ATP6V0A1: variants seen among roughly 807,000 people sequenced by gnomAD.
The protein encoded by ATP6V0A1 is ATPase H+ transporting V0 subunit a1.
ATP6V0A1 carries 43 observed loss-of-function variants against 105.4 expected under a neutral mutation model. The observed-to-expected ratio is 0.41, with a 90% CI of 0.32 to 0.53. The LOEUF (loss-of-function observed/expected upper bound fraction) is 0.53, where lower values mean the gene tolerates loss of function less well. Among genes scored for constraint, ATP6V0A1 ranks in the 20% least tolerant of loss-of-function variants. The probability of loss-of-function intolerance (pLI) is 0.30; values close to 1 mark genes in which losing one functional copy is unlikely to be tolerated. For missense variants in ATP6V0A1, 676 were observed against 1,051.1 expected, an observed-to-expected ratio of 0.64 and a Z score of 4.93; for synonymous variants, 362 against 372.8, an observed-to-expected ratio of 0.97 and a Z score of 0.33.
Position 42,520,838 on chromosome 17 carries a change from C to T in ATP6V0A1, c.2421-189C>T, listed in dbSNP as rs1048653997. 2.1e-4 allele frequency: 124 copies of T among 598,394 alleles called. 1 individual carries two copies. The East Asian group carries it at 3.3e-3, about 16-fold the overall frequency. 37.1% of individuals were successfully genotyped at this position (598,394 alleles called of 1,614,324 possible). On this transcript the variant is annotated intron_variant, in intron 21 of 21. Transcript: ENST00000343619. ...GGAACTGAGGGCAAATCCCTTCCTC[C>T]GTGCGTCGAACTCTTGATCCCAGGC...
At chr17:42,485,104 C>T (rs1346137826) in intron 9 of ATP6V0A1, among the ~76,000 whole-genome samples, 1 of 152,132 alleles carries the variant, frequency 6.6e-6, no homozygotes, top group Non-Finnish European at 1.5e-5. Context: ...CCTGCCTCGG[C>T]CTCCCAAAGT....
At chr17:42,485,521 G>A (rs2090015031) in intron 9 of ATP6V0A1, among the ~76,000 whole-genome samples, 1 of 148,846 alleles carries the variant, frequency 6.7e-6, no homozygotes, top group African/African-American at 2.6e-5. Context: ...TAGAAGAAGG[G>A]TTTTTTGTGT....
intron 9 of ATP6V0A1, 23 bp from the exon 10 acceptor site, chr17:42,487,132 G>C: frequency 6.2e-7 from 1 of 1,612,536 alleles, no homozygotes; most frequent in African/African-American, 1.3e-5. Context: ...AGGATCCCTC[G>C]CTTGTTCCTT....
rs186156966 is a variant in ATP6V0A1 at position 42,491,728 on chromosome 17, C to A, written c.1174+1091C>A. Among the ~76,000 whole-genome samples, 243 of 152,316 alleles carry A rather than the reference C, an allele frequency of 1.6e-3. 2 individuals are homozygous for A. Among genetic ancestry groups the A allele is most frequent in the East Asian group, 0.014 (71 of 5,164 alleles). ...TAACTCCTGACTTCAGGTGATCTGC[C>A]TGCCTCTGCCTCCCCAAGTGCTGGG... On this transcript the variant is annotated intron_variant, in intron 11 of 21. Transcript: ENST00000343619.
intron 2 of ATP6V0A1, among the ~76,000 whole-genome samples, chr17:42,462,815 G>A (rs1406464651): frequency 6.6e-6 from 1 of 151,406 alleles, no homozygotes; most frequent in Non-Finnish European, 1.5e-5. Context: ...GTCTCGCCAT[G>A]TTACCCAGGT....
At chr17:42,481,226 C>CT (rs775355134) in intron 8 of ATP6V0A1, 1,544 of 138,846 alleles carry the variant, frequency 0.011, 23 homozygotes, top group African/African-American at 0.032. Flanking sequence ...TTCTTTTTCT[C>CT]TTTTTTTTTT....
At chr17:42,520,389 T>TC (rs1292294241) in intron 21 of ATP6V0A1, 9 of 455,850 alleles carry the variant, frequency 2.0e-5, no homozygotes, top group Admixed American at 1.9e-4. Context: ...CCATCAGGCA[T>TC]GGATGCTGAA....
rs770669796 is a variant in ATP6V0A1 at position 42,461,031 on chromosome 17, C to T, written c.117+20C>T. The T allele has an allele frequency of 5.1e-6, 8 of 1,583,200 alleles. No individual in the cohort carries two copies. The Admixed American group carries it at 6.7e-5, about 13-fold the overall frequency. On this transcript the variant is annotated intron_variant, in intron 2 of 21. Coordinates refer to ENST00000343619, the MANE Select transcript of ATP6V0A1 (RefSeq NM_001130021.3). Reference sequence around the variant, plus strand: ...CGTGACGTAAGTAGTTGTGGGGCTGCGACTTGATTACTGCTGAACTCTATT... The same window carrying T: ...CGTGACGTAAGTAGTTGTGGGGCTGTGACTTGATTACTGCTGAACTCTATT...
intron 2 of ATP6V0A1, among the ~76,000 whole-genome samples, chr17:42,463,639 C>G (rs2086698363): frequency 6.6e-6 from 1 of 151,822 alleles, no homozygotes; most frequent in Non-Finnish European, 1.5e-5. Context: ...TCATAAAAGT[C>G]TTTTTTTTAG....
intron 11 of ATP6V0A1, 61 bp downstream of exon 11, chr17:42,490,698 G>T: frequency 6.5e-7 from 1 of 1,528,568 alleles, no homozygotes; most frequent in Non-Finnish European, 8.8e-7. Flanking sequence ...GGTTGGTTTG[G>T]TTTGTTTTGA....
At position 42,494,392 on chromosome 17, in the gene ATP6V0A1, T is replaced by G. The variant is rs1235478442; in HGVS notation, c.1233T>G (p.Gly411=). 1 of 1,613,636 alleles carries G rather than the reference T, an allele frequency of 6.2e-7. No individual in the cohort carries two copies. The highest frequency in any genetic ancestry group is 1.3e-5 in the African/African-American group (1 of 74,892). The change falls in exon 12 of 22, where the codon GGT becomes GGG. Residue 411 remains glycine, a synonymous_variant. Transcript: ENST00000343619. Reference sequence around the variant, plus strand: ...TTGCTGTGATGTTTGGAGACTTCGGTCATGGCATTTTAATGACCCTTTTTG... The same window carrying G: ...TTGCTGTGATGTTTGGAGACTTCGGGCATGGCATTTTAATGACCCTTTTTG... ...FLFAVMFGDF[G]HGILMTLFAV... is the part of the protein sequence containing the mutation.
intron 6 of ATP6V0A1, among the ~76,000 whole-genome samples, 197 bp downstream of exon 6, chr17:42,477,939 T>G (rs766657744): frequency 1.3e-5 from 2 of 152,110 alleles, no homozygotes; most frequent in Non-Finnish European, 2.9e-5. Context: ...AAGCTGGGAA[T>G]AAGACTTGTA....
At chr17:42,465,127 G>A (rs570160471) in intron 2 of ATP6V0A1, among the ~76,000 whole-genome samples, 1 of 151,974 alleles carries the variant, frequency 6.6e-6, no homozygotes, top group East Asian at 1.9e-4. Context: ...TGAGTAGCTG[G>A]GATTACAGGC....
intron 5 of ATP6V0A1, 47 bp downstream of exon 5, chr17:42,470,265 C>T (rs1242909221): frequency 3.1e-6 from 5 of 1,596,204 alleles, no homozygotes; most frequent in Non-Finnish European, 4.3e-6. Flanking sequence ...ATATTATACT[C>T]ACACAAGTGG....
At chr17:42,495,463 G>T (rs1443006815) in intron 13 of ATP6V0A1, among the ~76,000 whole-genome samples, 163 bp from the exon 14 acceptor site, 1 of 151,800 alleles carries the variant, frequency 6.6e-6, no homozygotes, top group African/African-American at 2.4e-5. Context: ...TGTCATTTTG[G>T]ATCCCTCAGT....
chr17:42,477,570 C>T lies in ATP6V0A1; in HGVS notation c.424-90C>T, dbSNP rs545373503. The T allele has an allele frequency of 9.0e-5, 120 of 1,333,374 alleles. No homozygotes were observed. In the African/African-American group the frequency reaches 1.6e-3, roughly 18 times the overall value. 82.6% of individuals were successfully genotyped at this position (1,333,374 alleles called of 1,614,324 possible). A position where few individuals can be genotyped will look rare whatever the true frequency, so the allele number is the denominator to read the frequency against. ...TTTCATCCTTATTTTCTGAACCTGT[C>T]TCCTGGTTCCTCGTTGCCTGCATGC... On this transcript the variant is annotated intron_variant, in intron 5 of 21. Coordinates refer to ENST00000343619, the MANE Select transcript of ATP6V0A1 (RefSeq NM_001130021.3).
At chr17:42,514,030 C>T (rs551009645) in intron 20 of ATP6V0A1, 52 bp downstream of exon 20, 1 of 1,554,866 alleles carries the variant, frequency 6.4e-7, no homozygotes, top group East Asian at 2.2e-5. Context: ...TCTGTGGGCG[C>T]ACTGTCAGTT....
Position 42,491,387 on chromosome 17 carries a change from C to T in ATP6V0A1, c.1174+750C>T, listed in dbSNP as rs1354279892. ...GTGCAGTGGCGTGATCTTGGCTCAC[C>T]GCAAGCTCTGCCTCCCAGGTTCACG... is the stretch of plus-strand genomic sequence containing the variant. On this transcript the variant is annotated intron_variant, in intron 11 of 21. Coordinates refer to ENST00000343619, the MANE Select transcript of ATP6V0A1 (RefSeq NM_001130021.3). Among the ~76,000 whole-genome samples the T allele has an allele frequency of 5.3e-5, 8 of 152,238 alleles. No individual in the cohort carries two copies. In the South Asian group the frequency reaches 1.0e-3, roughly 20 times the overall value.
chr17:42,488,116 G>A (rs2090288461), intron 10 of ATP6V0A1, among the ~76,000 whole-genome samples: 1 of 152,218 alleles, frequency 6.6e-6, no homozygotes. Context: ...ATGCCCTCGA[G>A]TATCTTACAG....
Sources: allele counts gnomAD v4.1 joint callset (sites outside exome capture counted in the v4.1 genomes callset), GRCh38; gene constraint gnomAD v4.1.1; transcripts MANE v1.5; gene names NCBI Gene and HGNC (gene_info 2026-07-23, HGNC 2026-07-21).